Variants in AKT3 observed in about 807,000 individuals in gnomAD.
AKT3 encodes RAC-gamma serine/threonine-protein kinase.
In AKT3, 15 loss-of-function variants were observed where a neutral mutation model predicts 65.3. The observed-to-expected ratio is 0.23, with a 90% CI of 0.15 to 0.35. AKT3 has a LOEUF of 0.35. AKT3 is among the 10% of genes least tolerant of loss of function. The pLI is 1.00. For missense variants in AKT3, 243 were observed against 576.5 expected (o/e 0.42, Z 5.92); for synonymous variants, 206 against 183.8 (o/e 1.12, Z -0.98).
At position 243,679,620 on chromosome 1, in the gene AKT3, G is replaced by A. The variant is rs549793472; in HGVS notation, c.173-14737C>T. On this transcript the variant is annotated intron_variant, in intron 3 of 13. Coordinates refer to ENST00000673466, the MANE Select transcript of AKT3 (RefSeq NM_005465.7). ...GTCTTTCTGTCAGTATCAGATTATT[G>A]GAACAAGGCTGAGAACACATTTAAA... Among the ~76,000 whole-genome samples the A allele has an allele frequency of 3.9e-5, 6 of 152,188 alleles. No individual in the cohort carries two copies. In the South Asian group the frequency reaches 1.2e-3, roughly 32 times the overall value.
At chr1:243,671,898 T>G (rs1212292755) in intron 3 of AKT3, among the ~76,000 whole-genome samples, 2 of 152,246 alleles carry the variant, frequency 1.3e-5, no homozygotes, top group Non-Finnish European at 2.9e-5. Context: ...CATGCTCTTC[T>G]GAAGAGAATA....
chr1:243,727,954 C>A (rs1010579105), intron 2 of AKT3, among the ~76,000 whole-genome samples: 23 of 152,268 alleles, frequency 1.5e-4, no homozygotes, highest in African/African-American at 5.5e-4. Context: ...CTACATCTCT[C>A]AAAAATAAGG....
intron 2 of AKT3, among the ~76,000 whole-genome samples, chr1:243,728,964 A>G (rs185538486): frequency 1.3e-5 from 2 of 152,310 alleles, no homozygotes; most frequent in Admixed American, 6.5e-5. Flanking sequence ...GGAAGAGCCA[A>G]TGAGTTAGGA....
chr1:243,703,577 A>G (rs1685600962), intron 2 of AKT3, among the ~76,000 whole-genome samples: 1 of 152,010 alleles, frequency 6.6e-6, no homozygotes, highest in South Asian at 2.1e-4. Flanking sequence ...CCTGGCCAAC[A>G]TGGCAAGACC....
intron 11 of AKT3, chr1:243,547,900 T>C (rs1246563109): frequency 6.6e-6 from 1 of 152,220 alleles, no homozygotes; most frequent in Non-Finnish European, 1.5e-5. Flanking sequence ...ATGGCACTTT[T>C]AGGTTTGATC....
At chr1:243,850,322 G>GGGA (rs1695723570), upstream of AKT3, among the ~76,000 whole-genome samples, 1 of 127,418 alleles carries the variant, frequency 7.8e-6, no homozygotes, top group Admixed American at 8.2e-5. Flanking sequence ...GCGGCGGCGG[G>GGGA]AGGGGGAGGG....
chr1:243,769,006 TC>T (rs1558793789), intron 2 of AKT3, among the ~76,000 whole-genome samples: 39 of 151,458 alleles, frequency 2.6e-4, no homozygotes, highest in Admixed American at 1.3e-3. Flanking sequence ...CATTCTCCAT[TC>T]CCTCATCCCC....
At chr1:243,659,412 G>T (rs913447342) in intron 4 of AKT3, among the ~76,000 whole-genome samples, 2 of 152,020 alleles carry the variant, frequency 1.3e-5, no homozygotes, top group African/African-American at 4.8e-5. Context: ...TTCACATTAT[G>T]TAATTTTTAC....
At chr1:243,510,814 G>A (rs564922402) in intron 13 of AKT3, among the ~76,000 whole-genome samples, 6 of 152,368 alleles carry the variant, frequency 3.9e-5, no homozygotes, top group African/African-American at 1.4e-4. Context: ...GCAGAGGAAT[G>A]ATGTGGTCTG....
intron 2 of AKT3, among the ~76,000 whole-genome samples, chr1:243,813,475 AC>A (rs1342874212): frequency 1.3e-5 from 2 of 151,246 alleles, no homozygotes; most frequent in African/African-American, 4.9e-5. Flanking sequence ...TGTTCCCCAA[AC>A]GCCTATGGAA....
intron 1 of AKT3, among the ~76,000 whole-genome samples, chr1:243,844,937 T>G (rs1022772658): frequency 1.3e-5 from 2 of 152,156 alleles, no homozygotes; most frequent in Non-Finnish European, 2.9e-5. Context: ...CCAAAAAATG[T>G]GGTCCAGGTA....
At chr1:243,495,001 T>C (rs1667427523), downstream of AKT3, among the ~76,000 whole-genome samples, 1 of 152,230 alleles carries the variant, frequency 6.6e-6, no homozygotes, top group Non-Finnish European at 1.5e-5. Context: ...TGTCTGTCCT[T>C]TGGGAATTCT....
At chr1:243,723,645 G>A (rs1437001931) in intron 2 of AKT3, among the ~76,000 whole-genome samples, 3 of 152,130 alleles carry the variant, frequency 2.0e-5, no homozygotes, top group African/African-American at 4.8e-5. Flanking sequence ...TTCCACTGAC[G>A]CCAAGCACTG....
At chr1:243,784,141 TTTAGA>T (rs1691095039) in intron 2 of AKT3, among the ~76,000 whole-genome samples, 1 of 152,088 alleles carries the variant, frequency 6.6e-6, no homozygotes, top group East Asian at 1.9e-4. Context: ...GAAAAGATAC[TTTAGA>T]TTGGGTGTTC....
intron 2 of AKT3, among the ~76,000 whole-genome samples, chr1:243,758,906 A>G (rs891214863): frequency 6.6e-6 from 1 of 152,152 alleles, no homozygotes; most frequent in Non-Finnish European, 1.5e-5. Context: ...CTAGAGTCCT[A>G]TAGATTCCTG....
In AKT3 at chr1:243,501,282, CG is replaced by C. The variant is rs1669275122; in HGVS notation, c.*3966del. 4.3e-6 allele frequency: 1 copy of C among 232,898 alleles called. No homozygotes were observed. The highest frequency in any genetic ancestry group is 8.5e-6 in the Non-Finnish European group (1 of 117,882). The allele number at this position is 232,898 out of a possible 1,614,324, so 14.4% of individuals were successfully genotyped here. A position where few individuals can be genotyped will look rare whatever the true frequency, so the allele number is the denominator to read the frequency against. ...CCATCCTACCCATCTACATCACCCA[CG>C]TCTAAGTTTGTTAATTTGCCATGAC... On this transcript the variant is annotated 3_prime_UTR_variant, in exon 14 of 14. Transcript: ENST00000673466.
chr1:243,714,129 T>C (rs1355553702), intron 2 of AKT3, among the ~76,000 whole-genome samples: 2 of 152,326 alleles, frequency 1.3e-5, no homozygotes, highest in Non-Finnish European at 2.9e-5. Flanking sequence ...TGAGCATTTA[T>C]CCTTTCTGAA....
intron 2 of AKT3, among the ~76,000 whole-genome samples, chr1:243,742,059 T>TAAAAAAAAAAAAAAAAAAAAAAATAAA (rs36056068): frequency 8.0e-6 from 1 of 125,586 alleles, no homozygotes; most frequent in African/African-American, 3.1e-5. Flanking sequence ...GATAGAAAAT[T>TAAAAAAAAAAAAAAAAAAAAAAATAAA]AAAAAAAAAA....
intron 10 of AKT3, among the ~76,000 whole-genome samples, chr1:243,555,553 A>G (rs1673351878): frequency 6.6e-6 from 1 of 152,204 alleles, no homozygotes. Context: ...TTCTATAAAT[A>G]CATAACATAT....
Sources: allele counts gnomAD v4.1 joint callset (sites outside exome capture counted in the v4.1 genomes callset), GRCh38; gene constraint gnomAD v4.1.1; transcripts MANE v1.5; gene names NCBI Gene and HGNC (gene_info 2026-07-23, HGNC 2026-07-21).